The following MSRA variants were observed in gnomAD, a reference collection of about 807,000 sequenced individuals.
The protein encoded by MSRA is methionine sulfoxide reductase A.
Under a neutral mutation model 31.3 loss-of-function variants are expected in MSRA, and 54 were observed. The ratio of observed to expected loss-of-function variants is 1.73; its 90% CI spans 1.39 to 2.17. The LOEUF is 2.17. Ranked by LOEUF, MSRA falls within the 30% of genes most tolerant of loss-of-function variation. The pLI is 0.00. For missense variants in MSRA, 507 were observed against 300.9 expected (o/e 1.69, Z -5.07); for synonymous variants, 169 against 116.5 (o/e 1.45, Z -2.90).
chr8:10,080,777 G>A (rs951674252), intron 1 of MSRA, among the ~76,000 whole-genome samples: 5 of 151,410 alleles, frequency 3.3e-5, no homozygotes, highest in Admixed American at 1.3e-4. Flanking sequence ...GGGCTCAAGC[G>A]ATCCTCCTGC....
chr8:10,328,054 G>GTTTTTTTTTTTTTTT (rs1563356091), intron 5 of MSRA, among the ~76,000 whole-genome samples: 1 of 58,942 alleles, frequency 1.7e-5, no homozygotes, highest in African/African-American at 8.9e-5. Context: ...TTTTTTTTTA[G>GTTTTTTTTTTTTTTT]TATCAGTGAC....
At chr8:10,233,927 G>T (rs1401164198) in intron 2 of MSRA, among the ~76,000 whole-genome samples, 6 of 152,142 alleles carry the variant, frequency 3.9e-5, no homozygotes, top group Non-Finnish European at 8.8e-5. Context: ...ATTAATAACT[G>T]TAGAAAGAAA....
At chr8:10,096,336 T>C in intron 1 of MSRA, 2 of 1,055,188 alleles carry the variant, frequency 1.9e-6, no homozygotes, top group Non-Finnish European at 2.3e-6. Flanking sequence ...TGGTCATTAT[T>C]TTTTTGTGTG....
intron 1 of MSRA, among the ~76,000 whole-genome samples, chr8:10,136,959 G>T (rs1056802939): frequency 3.9e-5 from 6 of 152,166 alleles, no homozygotes; most frequent in Non-Finnish European, 7.3e-5. Flanking sequence ...AGTCATTGTC[G>T]TCATGGGCCC....
Position 10,363,738 on chromosome 8 carries a change from CCACACA to C in MSRA, c.543+43785_543+43790del, listed in dbSNP as rs71203319. 5.2e-4 allele frequency among the ~76,000 whole-genome samples: 54 copies of C among 103,368 alleles called. 1 individual carries two copies. The East Asian group carries it at 5.8e-3, about 11-fold the overall frequency. 67.8% of individuals were successfully genotyped at this position (103,368 alleles called of 152,430 possible). On this transcript the variant is annotated intron_variant, in intron 5 of 5. Transcript: ENST00000317173. Reference sequence around the variant, plus strand: ...TGGGCAACCAAGCAAGATGCAGTCACCACACACACACACACACACACACACACACAC... The same window carrying C: ...TGGGCAACCAAGCAAGATGCAGTCACCACACACACACACACACACACACAC...
At chr8:10,213,180 C>A (rs944000110) in intron 2 of MSRA, among the ~76,000 whole-genome samples, 1 of 152,136 alleles carries the variant, frequency 6.6e-6, no homozygotes, top group African/African-American at 2.4e-5. Context: ...TCCCCACCTT[C>A]TCCTGTACCC....
At chr8:10,353,878 T>C (rs374116859) in intron 5 of MSRA, 1 of 216,838 alleles carries the variant, frequency 4.6e-6, no homozygotes, top group Non-Finnish European at 9.3e-6. Context: ...TCAGAAAATA[T>C]GAAGACAAAA....
intron 5 of MSRA, among the ~76,000 whole-genome samples, chr8:10,364,137 A>C (rs1259871642): frequency 1.3e-5 from 2 of 152,182 alleles, no homozygotes; most frequent in Non-Finnish European, 2.9e-5. Context: ...CAATTATGCT[A>C]TGAATTAGAA....
chr8:10,277,449 A>T (rs1799383821), intron 3 of MSRA, among the ~76,000 whole-genome samples: 1 of 152,174 alleles, frequency 6.6e-6, no homozygotes, highest in Non-Finnish European at 1.5e-5. Flanking sequence ...GAAATTGAGG[A>T]GGAAACTTTC....
At chr8:10,417,088 G>A (rs951465530) in intron 5 of MSRA, among the ~76,000 whole-genome samples, 3 of 152,196 alleles carry the variant, frequency 2.0e-5, no homozygotes, top group Non-Finnish European at 2.9e-5. Context: ...AGCCCCATCC[G>A]TCCAGCTAGA....
chr8:10,238,353 A>G (rs1044435708), intron 2 of MSRA, among the ~76,000 whole-genome samples: 2 of 152,090 alleles, frequency 1.3e-5, no homozygotes, highest in African/African-American at 4.8e-5. Flanking sequence ...CATTTTTTAT[A>G]GCTCTTGTTA....
chr8:10,085,732 C>T (rs1015455227), intron 1 of MSRA, among the ~76,000 whole-genome samples: 3 of 152,218 alleles, frequency 2.0e-5, no homozygotes, highest in African/African-American at 7.2e-5. Context: ...AAGTTGTCTC[C>T]TGCCTCTTTG....
At chr8:10,055,168 G>A (rs202149376) in intron 1 of MSRA, among the ~76,000 whole-genome samples, 1 of 5,008 alleles carries the variant, frequency 2.0e-4, no homozygotes, top group African/African-American at 2.7e-4. Flanking sequence ...CAGTGTTCTG[G>A]CTGAGTCACC....
chr8:10,125,109 G>A (rs1801404543), intron 1 of MSRA, among the ~76,000 whole-genome samples: 1 of 152,220 alleles, frequency 6.6e-6, no homozygotes, highest in African/African-American at 2.4e-5. Context: ...GTGGTGATAA[G>A]ACTTCCAGAT....
At chr8:10,157,793 T>C (rs1374486816) in intron 1 of MSRA, among the ~76,000 whole-genome samples, 1 of 151,976 alleles carries the variant, frequency 6.6e-6, no homozygotes, top group South Asian at 2.1e-4. Context: ...TCTTTCTCTC[T>C]CTCCCCATCT....
chr8:10,208,729 G>C (rs1272063128), intron 2 of MSRA, among the ~76,000 whole-genome samples: 1 of 152,034 alleles, frequency 6.6e-6, no homozygotes, highest in Non-Finnish European at 1.5e-5. Context: ...TGCCTCCCTT[G>C]GTTCCTTCAC....
rs1240686781 is a variant in MSRA at position 10,428,410 on chromosome 8, A to G, written c.*98A>G. On this transcript the variant is annotated 3_prime_UTR_variant, in exon 6 of 6. Coordinates refer to ENST00000317173, the MANE Select transcript of MSRA (RefSeq NM_012331.5). ...TTCACAATCGTGGCATTTAAAGTGC[A>G]CAAAGTACAAAGGAATTTATACAGA... The G allele has an allele frequency of 3.2e-6, 4 of 1,264,498 alleles. No homozygotes were observed. Among genetic ancestry groups the G allele is most frequent in the Non-Finnish European group, 3.3e-6 (3 of 899,780 alleles). The allele number at this position is 1,264,498 out of a possible 1,614,324, so 78.3% of individuals were successfully genotyped here.
At chr8:10,126,297 A>T (rs915207739) in intron 1 of MSRA, among the ~76,000 whole-genome samples, 1 of 152,176 alleles carries the variant, frequency 6.6e-6, no homozygotes, top group African/African-American at 2.4e-5. Flanking sequence ...GTTAAATGAT[A>T]CAAGCTTTCT....
intron 1 of MSRA, among the ~76,000 whole-genome samples, chr8:10,105,884 A>T (rs754926083): frequency 2.0e-5 from 3 of 152,248 alleles, no homozygotes; most frequent in Non-Finnish European, 4.4e-5. Context: ...AAAACAAAAG[A>T]ACACACAGAA....
Sources: gnomAD v4.1 joint callset for allele counts (sites outside exome capture counted in the v4.1 genomes callset) on GRCh38, gnomAD v4.1.1 for gene constraint, MANE v1.5 for transcripts, NCBI Gene and HGNC (gene_info 2026-07-23, HGNC 2026-07-21) for gene names.